AK9: variants seen among roughly 807,000 people sequenced by gnomAD.
AK9 encodes adenylate kinase 9.
In AK9, 191 loss-of-function variants were observed where a neutral mutation model predicts 239.6. That is an observed-to-expected ratio of 0.80 (90% CI 0.71 to 0.90). The LOEUF (loss-of-function observed/expected upper bound fraction) is 0.90. Among genes scored for constraint, AK9 ranks in the 40% least tolerant of loss-of-function variants. The probability of loss-of-function intolerance (pLI) is 0.00; values close to 1 mark genes in which losing one functional copy is unlikely to be tolerated. For synonymous variants in AK9, 689 were observed against 721.0 expected (o/e 0.96, Z 0.71); for missense variants, 1,995 against 2,214.7 (o/e 0.90, Z 1.99).
chr6:109,565,284 C>G (rs551963934), intron 21 of AK9, among the ~76,000 whole-genome samples: 1 of 152,106 alleles, frequency 6.6e-6, no homozygotes, highest in Non-Finnish European at 1.5e-5. Context: ...CAAGACCAGC[C>G]TAGGCAACAC....
At chr6:109,672,490 C>T (rs1457516339) in intron 3 of AK9, among the ~76,000 whole-genome samples, 1 of 152,012 alleles carries the variant, frequency 6.6e-6, no homozygotes, top group African/African-American at 2.4e-5. Flanking sequence ...TGAGACCAGC[C>T]TAGGCAACAT....
intron 32 of AK9, among the ~76,000 whole-genome samples, chr6:109,510,310 C>G (rs1430364522): frequency 6.6e-6 from 1 of 152,126 alleles, no homozygotes; most frequent in Non-Finnish European, 1.5e-5. Context: ...GGATGACCAG[C>G]TGCAGAAAGG....
rs751887476 is a variant in AK9 at position 109,514,412 on chromosome 6, G to A, written c.4091C>T (p.Pro1364Leu). Reference protein sequence around the residue: ...VKLSEGETIKPVENAENPIYP... With the variant: ...VKLSEGETIKLVENAENPIYP... ...AATTGGATTCTCTGCATTTTCAACT[G>A]GCTTGATTGTCTCTCCTTCACTTAG... The change falls in exon 32 of 41, where the codon CCA becomes CTA. Residue 1364 changes from proline (P) to leucine (L), a missense_variant. Around this residue, in one of 5 missense-constraint regions of AK9, gnomAD observed 1,290 missense variants for 1,392.7 expected, o/e 0.93. Transcript: ENST00000424296. 2.6e-6 allele frequency: 4 copies of A among 1,548,496 alleles called. No homozygotes were observed. The highest frequency in any genetic ancestry group is 2.6e-6 in the Non-Finnish European group (3 of 1,146,332).
In AK9 at chr6:109,632,862, C is replaced by G. The variant is rs201506413; in HGVS notation, c.1254+61G>C. ...CGAGTATAGATACATGACAGATAGA[C>G]ATAGATAGATAGATAGATAGATAGA... On this transcript the variant is annotated intron_variant, in intron 12 of 40. Transcript: ENST00000424296. 9.4e-4 allele frequency: 1,179 copies of G among 1,254,182 alleles called. 11 individuals are homozygous for G. The African/African-American group carries it at 0.017, about 18-fold the overall frequency. 77.7% of individuals were successfully genotyped at this position (1,254,182 alleles called of 1,614,324 possible).
chr6:109,565,916 A>G (rs1786425029), intron 21 of AK9, among the ~76,000 whole-genome samples: 1 of 152,212 alleles, frequency 6.6e-6, no homozygotes, highest in Non-Finnish European at 1.5e-5. Flanking sequence ...AGCAGGAAGT[A>G]GAAGGGGACA....
intron 8 of AK9, among the ~76,000 whole-genome samples, chr6:109,651,137 T>G (rs1798875745): frequency 6.6e-6 from 1 of 152,006 alleles, no homozygotes; most frequent in Admixed American, 6.6e-5. Context: ...TGCTAAGTGA[T>G]GAGTTAATGG....
chr6:109,526,399 G>T (rs1385466032), intron 29 of AK9, among the ~76,000 whole-genome samples: 1 of 151,904 alleles, frequency 6.6e-6, no homozygotes, highest in Non-Finnish European at 1.5e-5. Flanking sequence ...TCCAAGGAAG[G>T]CCGGAAAAGG....
chr6:109,666,150 G>A (rs1356281140), intron 5 of AK9, among the ~76,000 whole-genome samples: 1 of 152,196 alleles, frequency 6.6e-6, no homozygotes, highest in African/African-American at 2.4e-5. Flanking sequence ...TCTGAGAGAT[G>A]TCTAGTATTA....
intron 10 of AK9, among the ~76,000 whole-genome samples, chr6:109,636,750 T>TCA (rs57475668): frequency 0.085 from 11,507 of 135,468 alleles, 828 homozygotes; most frequent in African/African-American, 0.2. Flanking sequence ...TAATATTCCA[T>TCA]CACACACACA....
chr6:109,602,959 A>C (rs530438817), intron 17 of AK9, among the ~76,000 whole-genome samples: 13 of 152,212 alleles, frequency 8.5e-5, no homozygotes, highest in Admixed American at 2.0e-4. Flanking sequence ...TGGTTATTCT[A>C]GTTAGCCATT....
chr6:109,618,365 A>G (rs1424339824), intron 13 of AK9, among the ~76,000 whole-genome samples: 1 of 151,550 alleles, frequency 6.6e-6, no homozygotes, highest in Admixed American at 6.6e-5. Flanking sequence ...GTCTGCAAAA[A>G]CCAATCAATG....
chr6:109,561,486 G>C (rs753378051), intron 24 of AK9, among the ~76,000 whole-genome samples: 1 of 151,710 alleles, frequency 6.6e-6, no homozygotes, highest in Non-Finnish European at 1.5e-5. Context: ...GTTAATTTTT[G>C]TATTTTTTGT....
chr6:109,583,300 C>T (rs998088193), intron 19 of AK9, among the ~76,000 whole-genome samples: 1 of 152,062 alleles, frequency 6.6e-6, no homozygotes, highest in Non-Finnish European at 1.5e-5. Flanking sequence ...TTTCTGTAAC[C>T]CACTTGGATA....
intron 7 of AK9, among the ~76,000 whole-genome samples, chr6:109,658,030 T>C (rs1321735713): frequency 2.0e-5 from 3 of 152,198 alleles, no homozygotes; most frequent in Non-Finnish European, 4.4e-5. Flanking sequence ...TCAAATAATA[T>C]ATTAATTTCC....
At chr6:109,666,737 G>T (rs1357826249) in intron 5 of AK9, among the ~76,000 whole-genome samples, 1 of 152,238 alleles carries the variant, frequency 6.6e-6, no homozygotes, top group African/African-American at 2.4e-5. Flanking sequence ...GACAGATTCA[G>T]AGATATCAGG....
At chr6:109,570,270 G>C (rs759215096) in intron 21 of AK9, among the ~76,000 whole-genome samples, 2 of 151,786 alleles carry the variant, frequency 1.3e-5, no homozygotes, top group African/African-American at 4.8e-5. Context: ...TCACACACTG[G>C]AGCCTGTCGT....
intron 12 of AK9, among the ~76,000 whole-genome samples, chr6:109,621,904 A>C (rs1460469586): frequency 1.4e-4 from 6 of 41,462 alleles, no homozygotes; most frequent in South Asian, 1.4e-3. Flanking sequence ...AAAAAAAAAA[A>C]AAAAAAAACA....
At chr6:109,683,914 G>T (rs1773059204) in intron 1 of AK9, among the ~76,000 whole-genome samples, 1 of 152,106 alleles carries the variant, frequency 6.6e-6, no homozygotes, top group Non-Finnish European at 1.5e-5. Flanking sequence ...ACTTCATGTG[G>T]AACCAAAAAG....
chr6:109,685,113 G>A (rs1041536366), intron 1 of AK9, among the ~76,000 whole-genome samples: 52 of 152,086 alleles, frequency 3.4e-4, no homozygotes, highest in African/African-American at 1.2e-3. Context: ...AAATAGAGAC[G>A]CTTTTACACT....
Sources: gnomAD v4.1 joint callset for allele counts (sites outside exome capture counted in the v4.1 genomes callset) on GRCh38, gnomAD v4.1.1 for gene constraint, gnomAD v4.1.1 regional missense constraint, MANE v1.5 for transcripts, NCBI Gene and HGNC (gene_info 2026-07-23, HGNC 2026-07-21) for gene names.